Variants in TMEM156 observed in about 807,000 individuals in gnomAD.
The protein encoded by TMEM156 is transmembrane protein 156.
TMEM156 carries 28 observed loss-of-function variants against 30.5 expected under a neutral mutation model. The observed-to-expected ratio is 0.92, with a 90% CI of 0.68 to 1.26. The LOEUF is 1.26. TMEM156 is among the 50% of genes most tolerant of loss of function. The probability of loss-of-function intolerance (pLI) is 0.00; values close to 1 mark genes in which losing one functional copy is unlikely to be tolerated. For missense variants in TMEM156, 351 were observed against 340.6 expected (o/e 1.03, Z -0.24); for synonymous variants, 137 against 119.9 (o/e 1.14, Z -0.93).
Position 38,989,419 on chromosome 4 carries a change from G to A in TMEM156, c.620-449C>T, listed in dbSNP as rs190067723. 9.2e-5 allele frequency among the ~76,000 whole-genome samples: 14 copies of A among 152,352 alleles called. No homozygotes were observed. In the East Asian group the frequency reaches 2.5e-3, roughly 27 times the overall value. On this transcript the variant is annotated intron_variant, in intron 3 of 6. Coordinates refer to ENST00000381938, the MANE Select transcript of TMEM156 (RefSeq NM_024943.3). ...TGGGGAAGAAAGAGAAAGGCAGGCA[G>A]TCAAAGGACTGGTCTGAGGCATATA...
chr4:39,008,428 T>C (rs1713890565), intron 1 of TMEM156, among the ~76,000 whole-genome samples: 1 of 152,182 alleles, frequency 6.6e-6, no homozygotes, highest in African/African-American at 2.4e-5. Flanking sequence ...ATTAGATTTT[T>C]CTAATGCTAA....
rs28408228 is a variant in TMEM156, at chr4:38,998,412, C to T, written c.358+228G>A. On this transcript the variant is annotated intron_variant, in intron 2 of 6. Transcript: ENST00000381938. Reference sequence around the variant, plus strand: ...ACAAAAAATTAGCCGGGTGTGGTGGCAGGCGCCTGTGGTCCCAGCTACTCG... The same window carrying T: ...ACAAAAAATTAGCCGGGTGTGGTGGTAGGCGCCTGTGGTCCCAGCTACTCG... The T allele has an allele frequency of 7.8e-3, 1,684 of 217,106 alleles. 31 individuals are homozygous for T. Among genetic ancestry groups the T allele is most frequent in the African/African-American group, 0.036 (1,547 of 43,060 alleles). The allele number at this position is 217,106 out of a possible 1,614,324, so 13.4% of individuals were successfully genotyped here.
chr4:39,020,975 T>C (rs1015789166), intron 1 of TMEM156, among the ~76,000 whole-genome samples: 6 of 152,234 alleles, frequency 3.9e-5, no homozygotes, highest in Admixed American at 6.5e-5. Flanking sequence ...ATATTTTGTC[T>C]TTTTGATAAT....
intron 1 of TMEM156, among the ~76,000 whole-genome samples, chr4:39,005,010 C>A (rs1284911006): frequency 6.6e-6 from 1 of 152,112 alleles, no homozygotes; most frequent in Non-Finnish European, 1.5e-5. Flanking sequence ...AATATATAAA[C>A]AACTCTTGCT....
chr4:39,005,039 ACCACT>A (rs1164547411), intron 1 of TMEM156, among the ~76,000 whole-genome samples: 1 of 152,226 alleles, frequency 6.6e-6, no homozygotes, highest in Non-Finnish European at 1.5e-5. Context: ...GTAATGGGAT[ACCACT>A]CAGCCACAAA....
At chr4:38,984,492 G>A (rs1711823889) in intron 5 of TMEM156, among the ~76,000 whole-genome samples, 2 of 151,752 alleles carry the variant, frequency 1.3e-5, no homozygotes, top group Admixed American at 6.6e-5. Context: ...AGTCACCACC[G>A]CTTTGAACTA....
Position 38,998,769 on chromosome 4 carries a change from G to C in TMEM156, c.229C>G (p.Pro77Ala), listed in dbSNP as rs868849745. 1 of 1,613,748 alleles carries C rather than the reference G, an allele frequency of 6.2e-7. No individual in the cohort carries two copies. The highest frequency in any genetic ancestry group is 1.3e-5 in the African/African-American group (1 of 74,884). The change falls in exon 2 of 7, where the codon CCC becomes GCC. Residue 77 changes from proline to alanine, a missense_variant. Pro to Ala is a conservative substitution (Grantham distance 27). Transcript: ENST00000381938. ...CTGGTGAAGTTACGAAAATTGGAGG[G>C]ATTTAGAAAGATTCTCATGATAATC... Reference protein sequence around the residue: ...TQIIMRIFLNPSNFRNFTRTC... With the variant: ...TQIIMRIFLNASNFRNFTRTC...
At chr4:39,020,272 T>A (rs1407445528) in intron 1 of TMEM156, among the ~76,000 whole-genome samples, 2 of 152,212 alleles carry the variant, frequency 1.3e-5, no homozygotes, top group Non-Finnish European at 2.9e-5. Flanking sequence ...ATATGGGAGT[T>A]CAGAGTGATT....
intron 1 of TMEM156, among the ~76,000 whole-genome samples, chr4:39,018,743 G>T (rs574029311): frequency 6.6e-6 from 1 of 152,028 alleles, no homozygotes; most frequent in Admixed American, 6.6e-5. Context: ...TCTCTTGGCC[G>T]GGCACGATGG....
chr4:38,992,724 A>AATATATATAT (rs1457335887), intron 3 of TMEM156, among the ~76,000 whole-genome samples: 2 of 53,614 alleles, frequency 3.7e-5, no homozygotes, highest in African/African-American at 1.4e-4. Context: ...ATATATATAT[A>AATATATATAT]ATATATATAT....
intron 5 of TMEM156, among the ~76,000 whole-genome samples, chr4:38,977,462 C>A (rs1489174985): frequency 2.0e-5 from 3 of 152,264 alleles, no homozygotes; most frequent in Non-Finnish European, 2.9e-5. Context: ...AGTCATGTAA[C>A]TTATATGGTA....
chr4:38,975,263 C>T (rs1163534316), intron 5 of TMEM156, among the ~76,000 whole-genome samples: 2 of 152,058 alleles, frequency 1.3e-5, no homozygotes, highest in African/African-American at 4.8e-5. Flanking sequence ...CCTTGGCATC[C>T]TTAACTTTTA....
intron 2 of TMEM156, 113 bp from the exon 3 acceptor site, chr4:38,994,111 G>T: frequency 1.1e-6 from 1 of 936,688 alleles, no homozygotes; most frequent in Non-Finnish European, 1.6e-6. Context: ...GAAACAAGAA[G>T]TTTCCTACAC....
Position 38,998,840 on chromosome 4 carries a change from AAGG to A in TMEM156, c.155_157del (p.Ser52del), listed in dbSNP as rs779618474. On this transcript the variant is annotated inframe_deletion, in exon 2 of 7. Coordinates refer to ENST00000381938, the MANE Select transcript of TMEM156 (RefSeq NM_024943.3). ...CAGAAAAGTCACAAAAGAAAAATTT[AAGG>A]AGGAGAGTGAATAGGTAAAATTAGA... 5.6e-6 allele frequency: 9 copies of A among 1,613,770 alleles called. No individual in the cohort carries two copies. The East Asian group carries it at 1.3e-4, about 24-fold the overall frequency.
chr4:39,025,345 C>CA (rs59380844), intron 1 of TMEM156, among the ~76,000 whole-genome samples: 31,884 of 65,446 alleles, frequency 0.49, 7,924 homozygotes, highest in Non-Finnish European at 0.53. Context: ...AAGACTGTCT[C>CA]AAAAAAAAAA....
intron 1 of TMEM156, among the ~76,000 whole-genome samples, chr4:39,012,992 G>A (rs1434801664): frequency 6.6e-6 from 1 of 151,950 alleles, no homozygotes; most frequent in Non-Finnish European, 1.5e-5. Flanking sequence ...ACAATGCTTG[G>A]AAGTGTTGGA....
chr4:39,013,712 T>C (rs1391329455), intron 1 of TMEM156, among the ~76,000 whole-genome samples: 1 of 152,080 alleles, frequency 6.6e-6, no homozygotes, highest in African/African-American at 2.4e-5. Context: ...TTGTTATAAT[T>C]ATTTACAGAC....
At chr4:39,013,135 TA>T (rs538370183) in intron 1 of TMEM156, among the ~76,000 whole-genome samples, 1 of 150,496 alleles carries the variant, frequency 6.6e-6, no homozygotes. Flanking sequence ...CTCGTCTCTA[TA>T]AAAAAAATAC....
chr4:38,971,775 T>A (rs1200404154), intron 5 of TMEM156, among the ~76,000 whole-genome samples: 1 of 152,142 alleles, frequency 6.6e-6, no homozygotes, highest in African/African-American at 2.4e-5. Context: ...TGAACACAGG[T>A]GAAATTGAGG....
Sources: gnomAD v4.1 joint callset for allele counts (sites outside exome capture counted in the v4.1 genomes callset) on GRCh38, gnomAD v4.1.1 for gene constraint, MANE v1.5 for transcripts, NCBI Gene and HGNC (gene_info 2026-07-23, HGNC 2026-07-21) for gene names.